BBIP1: variants seen among roughly 807,000 people sequenced by gnomAD.
BBIP1 encodes BBSome interacting protein 1, also known as BBSome-interacting protein 1.
BBIP1 carries 6 observed loss-of-function variants against 8.9 expected under a neutral mutation model. The ratio of observed to expected loss-of-function variants is 0.67; its 90% CI spans 0.37 to 1.33. The LOEUF is 1.33. Ranked by LOEUF, BBIP1 falls within the 40% of genes most tolerant of loss-of-function variation. The pLI is 0.02. For missense variants in BBIP1, 111 were observed against 109.2 expected (o/e 1.02, Z -0.07); for synonymous variants, 32 against 33.4 (o/e 0.96, Z 0.14).
rs781344818 is a variant in BBIP1, at chr10:110,918,127, G to T, written c.31C>A (p.Leu11Ile). MLKAAAKRPE[L>I]SGKNTISNNS... ...TAACCATTTTCAATTTTACCTGAAA[G>T]TTCTGGTCTTTTTGCTGCAGCTTTA... The change falls in exon 2 of 4, where the codon CTT becomes ATT. Residue 11 changes from leucine to isoleucine, a missense_variant. Transcript: ENST00000448814. 13 of 1,535,890 alleles carry T rather than the reference G, an allele frequency of 8.5e-6. No homozygotes were observed. The South Asian group carries it at 1.5e-4, about 18-fold the overall frequency.
Position 110,914,219 on chromosome 10 carries a change from A to T in BBIP1, c.37+3902T>A, listed in dbSNP as rs1306464168. Among the ~76,000 whole-genome samples, 3 of 152,306 alleles carry T rather than the reference A, an allele frequency of 2.0e-5. No individual in the cohort carries two copies. The East Asian group carries it at 5.8e-4, about 29-fold the overall frequency. ...TCTGGGAACTGAAGGAGTAGTCAGG[A>T]GCAATCATGGCCATGGACTGTAAAG... On this transcript the variant is annotated intron_variant, in intron 2 of 3. Transcript: ENST00000448814.
At position 110,900,215 on chromosome 10, in the gene BBIP1, A is replaced by G. The variant is rs114976522; in HGVS notation, c.*145T>C. The G allele has an allele frequency of 7.5e-4, 623 of 833,276 alleles. 5 individuals are homozygous for G. The African/African-American group carries it at 9.4e-3, about 13-fold the overall frequency. 51.6% of individuals were successfully genotyped at this position (833,276 alleles called of 1,614,324 possible). ...TGTTTACATTCACAATACAAATTTC[A>G]TCAATCTTGGATATTTTTGTATTTC... On this transcript the variant is annotated 3_prime_UTR_variant, in exon 4 of 4. Coordinates refer to ENST00000448814, the MANE Select transcript of BBIP1 (RefSeq NM_001195305.3).
At chr10:110,907,509 T>A in intron 2 of BBIP1, 1 of 440,408 alleles carries the variant, frequency 2.3e-6, no homozygotes. Flanking sequence ...TAAGAGCTTG[T>A]CTCAAGAAAA....
chr10:110,900,287 A>G lies in BBIP1; in HGVS notation c.*73T>C. 7 of 1,354,978 alleles carry G rather than the reference A, an allele frequency of 5.2e-6. No homozygotes were observed. Among genetic ancestry groups the G allele is most frequent in the Non-Finnish European group, 6.9e-6 (7 of 1,016,528 alleles). 83.9% of individuals were successfully genotyped at this position (1,354,978 alleles called of 1,614,324 possible). Reference sequence around the variant, plus strand: ...TGATAACACATACTACTTTCAGCACACAGAAGCATATTTTCTAGTTATTGT... The same window carrying G: ...TGATAACACATACTACTTTCAGCACGCAGAAGCATATTTTCTAGTTATTGT... On this transcript the variant is annotated 3_prime_UTR_variant, in exon 4 of 4. Transcript: ENST00000448814.
chr10:110,916,315 CTTT>C, intron 2 of BBIP1, among the ~76,000 whole-genome samples: 1 of 152,182 alleles, frequency 6.6e-6, no homozygotes, highest in African/African-American at 2.4e-5. Flanking sequence ...TTTCACTTAT[CTTT>C]CATGATCAAA....
intron 2 of BBIP1, among the ~76,000 whole-genome samples, chr10:110,913,621 C>G (rs1214060512): frequency 2.0e-5 from 3 of 152,170 alleles, no homozygotes; most frequent in Admixed American, 2.0e-4. Flanking sequence ...AGGTTAAAAC[C>G]TTTAAAATTG....
At chr10:110,916,072 T>C (rs1346234081) in intron 2 of BBIP1, among the ~76,000 whole-genome samples, 2 of 152,240 alleles carry the variant, frequency 1.3e-5, no homozygotes, top group African/African-American at 4.8e-5. Flanking sequence ...AATAGTCTTA[T>C]TCCTGAAACC....
intron 2 of BBIP1, among the ~76,000 whole-genome samples, chr10:110,909,731 T>C (rs1383782681): frequency 6.6e-6 from 1 of 152,192 alleles, no homozygotes; most frequent in African/African-American, 2.4e-5. Flanking sequence ...TTGTATTCTA[T>C]TTGGAAATAA....
chr10:110,915,304 A>G (rs1048999052), intron 2 of BBIP1, among the ~76,000 whole-genome samples: 6 of 152,004 alleles, frequency 3.9e-5, no homozygotes, highest in African/African-American at 1.4e-4. Flanking sequence ...CTACAGGAAC[A>G]TGCTACCCCA....
intron 2 of BBIP1, among the ~76,000 whole-genome samples, chr10:110,917,563 AATC>A (rs1454972111): frequency 1.3e-5 from 2 of 152,194 alleles, no homozygotes; most frequent in African/African-American, 2.4e-5. Flanking sequence ...TGGGGAAAAA[AATC>A]ATGTCAGAAA....
intron 2 of BBIP1, chr10:110,911,003 CACTT>C (rs1846263133): frequency 6.6e-6 from 1 of 152,136 alleles, no homozygotes; most frequent in African/African-American, 2.4e-5. Context: ...TCAGATTAGT[CACTT>C]AAATTACTTG....
intron 2 of BBIP1, among the ~76,000 whole-genome samples, chr10:110,906,007 T>C (rs1427440264): frequency 8.0e-3 from 3 of 374 alleles, no homozygotes; most frequent in Non-Finnish European, 0.02. Flanking sequence ...TTTCATGCCT[T>C]TTTTTTTTTT....
chr10:110,905,759 G>A (rs1334305955), intron 2 of BBIP1, among the ~76,000 whole-genome samples: 2 of 152,096 alleles, frequency 1.3e-5, no homozygotes, highest in African/African-American at 2.4e-5. Context: ...ATACACTGAT[G>A]TTTAAATTTC....
intron 2 of BBIP1, among the ~76,000 whole-genome samples, chr10:110,913,653 G>A (rs1169352625): frequency 6.6e-6 from 1 of 152,230 alleles, no homozygotes; most frequent in Non-Finnish European, 1.5e-5. Flanking sequence ...ACAGAAGCTT[G>A]TTGTCTAAAT....
intron 2 of BBIP1, among the ~76,000 whole-genome samples, chr10:110,908,747 G>A (rs1284606253): frequency 6.6e-6 from 1 of 151,254 alleles, no homozygotes; most frequent in African/African-American, 2.4e-5. Flanking sequence ...ATGAAGATAG[G>A]CAACACAAAG....
intron 2 of BBIP1, among the ~76,000 whole-genome samples, chr10:110,913,347 A>G (rs934365384): frequency 2.0e-5 from 3 of 152,264 alleles, no homozygotes; most frequent in African/African-American, 7.2e-5. Context: ...GCTATAATAA[A>G]GGACTTGTTC....
chr10:110,907,536 G>C, intron 2 of BBIP1: 1 of 454,612 alleles, frequency 2.2e-6, no homozygotes, highest in Non-Finnish European at 3.9e-6. Context: ...AAAAAGAAAA[G>C]AAAAGAAAGA....
rs1460638114 is a variant in BBIP1 at position 110,918,220 on chromosome 10, G to A, written c.-56-7C>T. ...CTCAAGCATACAGAAGAAACTACAA[G>A]ATAATGTATGATAACTTTGTAAAGG... On this transcript the variant is annotated splice_region_variant and splice_polypyrimidine_tract_variant and intron_variant, in intron 1 of 3. Transcript: ENST00000448814. The A allele has an allele frequency of 2.3e-6, 3 of 1,329,848 alleles. No homozygotes were observed. The highest frequency in any genetic ancestry group is 3.1e-6 in the Non-Finnish European group (3 of 961,084). 82.4% of individuals were successfully genotyped at this position (1,329,848 alleles called of 1,614,324 possible).
intron 2 of BBIP1, chr10:110,910,747 T>C (rs1846256337): frequency 1.3e-5 from 2 of 152,186 alleles, no homozygotes; most frequent in African/African-American, 4.8e-5. Flanking sequence ...TATTAATTCA[T>C]ACCGGAAACA....
Sources: gnomAD v4.1 joint callset for allele counts (sites outside exome capture counted in the v4.1 genomes callset) on GRCh38, gnomAD v4.1.1 for gene constraint, MANE v1.5 for transcripts, NCBI Gene and HGNC (gene_info 2026-07-23, HGNC 2026-07-21) for gene names.